The following VSNL1 variants were observed in gnomAD, a reference collection of about 807,000 sequenced individuals.
VSNL1 encodes visinin like 1.
Under a neutral mutation model 20.4 loss-of-function variants are expected in VSNL1, and 6 were observed. The ratio of observed to expected loss-of-function variants is 0.29; its 90% CI spans 0.16 to 0.58. The LOEUF (loss-of-function observed/expected upper bound fraction) is 0.58, where lower values mean the gene tolerates loss of function less well. Ranked by LOEUF, VSNL1 falls within the 20% of genes least tolerant of loss-of-function variation. The probability of loss-of-function intolerance (pLI) is 0.90; values close to 1 mark genes in which losing one functional copy is unlikely to be tolerated. For synonymous variants in VSNL1, 93 were observed against 86.4 expected (o/e 1.08, Z -0.42); for missense variants, 100 against 234.5 (o/e 0.43, Z 3.75).
At chr2:17,605,083 C>A (rs1022808781) in intron 2 of VSNL1, among the ~76,000 whole-genome samples, 1 of 152,194 alleles carries the variant, frequency 6.6e-6, no homozygotes, top group African/African-American at 2.4e-5. Flanking sequence ...CCTTCACTTC[C>A]CTCATTTTAG....
chr2:17,570,001 T>C (rs1412106915), intron 1 of VSNL1, among the ~76,000 whole-genome samples: 3 of 152,230 alleles, frequency 2.0e-5, no homozygotes, highest in Non-Finnish European at 4.4e-5. Context: ...TTTTGGAATA[T>C]TCGATGAAGG....
intron 2 of VSNL1, among the ~76,000 whole-genome samples, chr2:17,641,705 G>C (rs1665886099): frequency 6.6e-6 from 1 of 152,224 alleles, no homozygotes; most frequent in Non-Finnish European, 1.5e-5. Flanking sequence ...GGGATAGAGA[G>C]ACCAGAGATA....
intron 1 of VSNL1, among the ~76,000 whole-genome samples, chr2:17,561,415 G>C (rs1663811503): frequency 6.6e-6 from 1 of 152,112 alleles, no homozygotes; most frequent in Admixed American, 6.5e-5. Flanking sequence ...TTCTTAAAAA[G>C]GGACTTGGGT....
At chr2:17,621,418 G>A (rs562005077) in intron 2 of VSNL1, among the ~76,000 whole-genome samples, 1 of 152,028 alleles carries the variant, frequency 6.6e-6, no homozygotes, top group South Asian at 2.1e-4. Context: ...TACCTCCCGG[G>A]TTCAAGCAAT....
chr2:17,576,267 T>A (rs775242738), intron 1 of VSNL1, among the ~76,000 whole-genome samples: 1 of 152,240 alleles, frequency 6.6e-6, no homozygotes, highest in Non-Finnish European at 1.5e-5. Flanking sequence ...TTCACAATTT[T>A]ATGTTCCACT....
intron 2 of VSNL1, among the ~76,000 whole-genome samples, chr2:17,648,604 T>C (rs1666051396): frequency 6.6e-6 from 1 of 152,186 alleles, no homozygotes. Context: ...GGCTTTGCAG[T>C]TCTTCCTTGT....
At chr2:17,650,460 A>T (rs1399052671) in intron 3 of VSNL1, among the ~76,000 whole-genome samples, 1 of 152,236 alleles carries the variant, frequency 6.6e-6, no homozygotes, top group Non-Finnish European at 1.5e-5. Context: ...CCCAGCCTGG[A>T]GCCTGGCAGG....
intron 2 of VSNL1, among the ~76,000 whole-genome samples, chr2:17,617,883 G>GCA (rs1241200038): frequency 7.4e-6 from 1 of 135,352 alleles, no homozygotes; most frequent in East Asian, 1.9e-4. Context: ...ACATGCACAT[G>GCA]CACGCGCACA....
At chr2:17,580,024 T>C (rs1664314316) in intron 1 of VSNL1, among the ~76,000 whole-genome samples, 1 of 152,194 alleles carries the variant, frequency 6.6e-6, no homozygotes, top group East Asian at 1.9e-4. Flanking sequence ...GAATCTGCTA[T>C]GTCACCAAAC....
intron 2 of VSNL1, among the ~76,000 whole-genome samples, chr2:17,600,123 G>A (rs1418717750): frequency 6.6e-6 from 1 of 152,234 alleles, no homozygotes; most frequent in Non-Finnish European, 1.5e-5. Context: ...GGTAAATGCA[G>A]TGTGATTTTA....
chr2:17,598,612 T>G (rs914919409), intron 2 of VSNL1, among the ~76,000 whole-genome samples: 1 of 152,358 alleles, frequency 6.6e-6, no homozygotes, highest in East Asian at 1.9e-4. Flanking sequence ...TATGTTTAAA[T>G]AGGCTTCAGG....
intron 2 of VSNL1, among the ~76,000 whole-genome samples, chr2:17,619,889 C>T (rs997578789): frequency 6.6e-6 from 1 of 150,578 alleles, no homozygotes; most frequent in Admixed American, 6.6e-5. Flanking sequence ...AATCCCCCCC[C>T]AAAAGGCCCC....
chr2:17,593,071 T>C (rs1258016718), intron 2 of VSNL1, among the ~76,000 whole-genome samples: 1 of 152,242 alleles, frequency 6.6e-6, no homozygotes, highest in Non-Finnish European at 1.5e-5. Context: ...TAGCAAATGT[T>C]GATTTGAGCA....
chr2:17,655,403 C>A lies in VSNL1; in HGVS notation c.*9C>A. ...GCGACATCCAGAAATGAGCTGATGT[C>A]AATGCTATGGACTGCACAAAAGTCT... On this transcript the variant is annotated 3_prime_UTR_variant, in exon 4 of 4. Transcript: ENST00000295156. The surrounding 1 kb of genome is among the most constrained non-coding windows in gnomAD (Gnocchi z 5.2). The A allele has an allele frequency of 6.2e-7, 1 of 1,601,364 alleles. No individual in the cohort carries two copies. Among genetic ancestry groups the A allele is most frequent in the South Asian group, 1.1e-5 (1 of 90,874 alleles).
chr2:17,648,766 CT>C (rs1295913213), intron 2 of VSNL1, among the ~76,000 whole-genome samples: 4 of 152,234 alleles, frequency 2.6e-5, no homozygotes, highest in Non-Finnish European at 5.9e-5. Context: ...CCACACACCC[CT>C]GGTGACAGTT....
At chr2:17,611,476 T>C (rs970360869) in intron 2 of VSNL1, among the ~76,000 whole-genome samples, 1 of 152,222 alleles carries the variant, frequency 6.6e-6, no homozygotes, top group Non-Finnish European at 1.5e-5. Context: ...AGAGATAAGA[T>C]GAAGGATGAT....
intron 2 of VSNL1, among the ~76,000 whole-genome samples, chr2:17,592,593 C>G (rs1664614543): frequency 7.2e-6 from 1 of 139,834 alleles, no homozygotes; most frequent in Admixed American, 7.0e-5. Flanking sequence ...ATGTACTTCT[C>G]CCAGTTAAAG....
At chr2:17,603,622 G>A (rs1664881151) in intron 2 of VSNL1, among the ~76,000 whole-genome samples, 1 of 152,118 alleles carries the variant, frequency 6.6e-6, no homozygotes, top group South Asian at 2.1e-4. Flanking sequence ...ATGAAGATAT[G>A]GGTAGAGCCA....
chr2:17,584,431 A>G (rs1664422243), intron 1 of VSNL1, among the ~76,000 whole-genome samples: 1 of 152,042 alleles, frequency 6.6e-6, no homozygotes, highest in South Asian at 2.1e-4. Flanking sequence ...ATGCCATTTG[A>G]TTATGCCATT....
Sources: gnomAD v4.1 joint callset for allele counts (sites outside exome capture counted in the v4.1 genomes callset) on GRCh38, gnomAD v4.1.1 for gene constraint, Gnocchi (gnomAD v3.1) non-coding constraint, MANE v1.5 for transcripts, NCBI Gene and HGNC (gene_info 2026-07-23, HGNC 2026-07-21) for gene names.